CECR2: variants seen among roughly 807,000 people sequenced by gnomAD.
CECR2 encodes chromatin remodeling regulator CECR2.
A neutral mutation model predicts 154.5 loss-of-function variants in CECR2; 30 were observed. The ratio of observed to expected loss-of-function variants is 0.19; its 90% CI spans 0.15 to 0.26. The LOEUF is 0.26. CECR2 is among the 10% of genes least tolerant of loss of function. The pLI is 1.00. For synonymous variants in CECR2, 725 were observed against 683.7 expected (o/e 1.06, Z -0.94); for missense variants, 1,743 against 1,829.3 (o/e 0.95, Z 0.86).
chr22:17,530,838 A>G (rs932074777), intron 9 of CECR2, among the ~76,000 whole-genome samples: 4 of 152,182 alleles, frequency 2.6e-5, no homozygotes, highest in Admixed American at 2.0e-4. Context: ...ACATGGATGA[A>G]CCTTGAAGGT....
intron 1 of CECR2, among the ~76,000 whole-genome samples, chr22:17,410,945 T>A (rs535715129): frequency 6.6e-6 from 1 of 152,322 alleles, no homozygotes; most frequent in Non-Finnish European, 1.5e-5. Flanking sequence ...GTTTTACAGA[T>A]GAGGATGTTG....
At chr22:17,551,979 G>T (rs955563871) in intron 17 of CECR2, 52 bp from the exon 18 acceptor site, 226 of 1,555,864 alleles carry the variant, frequency 1.5e-4, no homozygotes, top group Middle Eastern at 5.0e-4. Flanking sequence ...TGTTTCTTCT[G>T]TCGTTAACAC....
intron 7 of CECR2, among the ~76,000 whole-genome samples, chr22:17,509,862 G>A (rs537878691): frequency 3.7e-4 from 56 of 152,244 alleles, no homozygotes; most frequent in South Asian, 1.7e-3. Flanking sequence ...TTCTCTGTCC[G>A]CCATCAGAAG....
chr22:17,548,515 C>A lies in CECR2; in HGVS notation c.3228C>A (p.Ser1076=). ...GGAAGGGCCTTGGTAGCAGTGGTTC[C>A]GAAAAGCTGCTCTGCCCCAGAGGCA... ...SEGKGLGSSG[S]EKLLCPRGRT... is the part of the protein sequence containing the mutation. The change falls in exon 17 of 19, where the codon TCC becomes TCA. Residue 1076 remains serine (S), a synonymous_variant. Coordinates refer to ENST00000262608, the MANE Select transcript of CECR2 (RefSeq NM_001290047.2). The A allele has an allele frequency of 1.2e-6, 2 of 1,613,712 alleles. No homozygotes were observed. Among genetic ancestry groups the A allele is most frequent in the Non-Finnish European group, 1.7e-6 (2 of 1,179,792 alleles).
At chr22:17,478,043 A>T (rs2055239722) in intron 2 of CECR2, among the ~76,000 whole-genome samples, 1 of 152,112 alleles carries the variant, frequency 6.6e-6, no homozygotes, top group Non-Finnish European at 1.5e-5. Flanking sequence ...CCTTTCTGTC[A>T]TTTGAGTATC....
chr22:17,360,976 A>G (rs151115906), intron 1 of CECR2, among the ~76,000 whole-genome samples: 1,929 of 152,234 alleles, frequency 0.013, 47 homozygotes, highest in African/African-American at 0.045. Context: ...GAGTCTGGGC[A>G]ACATGGTGAA....
chr22:17,371,587 G>T (rs2063061513), intron 1 of CECR2, among the ~76,000 whole-genome samples: 1 of 152,164 alleles, frequency 6.6e-6, no homozygotes, highest in Non-Finnish European at 1.5e-5. Flanking sequence ...CTTTCAGTTG[G>T]TACAAAATCG....
At chr22:17,399,091 T>C (rs1243635274) in intron 1 of CECR2, among the ~76,000 whole-genome samples, 1 of 152,186 alleles carries the variant, frequency 6.6e-6, no homozygotes, top group Non-Finnish European at 1.5e-5. Flanking sequence ...ATTATGCACA[T>C]TAAAGTGTGA....
At chr22:17,530,265 G>A (rs1004747640) in intron 9 of CECR2, among the ~76,000 whole-genome samples, 5 of 151,140 alleles carry the variant, frequency 3.3e-5, no homozygotes, top group African/African-American at 7.3e-5. Flanking sequence ...TCGCTCTGTC[G>A]CCCAGGCTGG....
intron 1 of CECR2, among the ~76,000 whole-genome samples, chr22:17,468,607 G>T (rs1222730378): frequency 6.6e-6 from 1 of 152,080 alleles, no homozygotes; most frequent in African/African-American, 2.4e-5. Flanking sequence ...GAACCTGGGA[G>T]GTCTAGGCTG....
intron 1 of CECR2, among the ~76,000 whole-genome samples, chr22:17,410,259 G>A (rs1020368608): frequency 1.3e-5 from 2 of 152,008 alleles, no homozygotes; most frequent in African/African-American, 2.4e-5. Context: ...GATTACAGAC[G>A]TGAGCCACCG....
At chr22:17,478,602 G>A (rs767415041) in intron 2 of CECR2, among the ~76,000 whole-genome samples, 6 of 152,074 alleles carry the variant, frequency 3.9e-5, no homozygotes, top group South Asian at 2.1e-4. Context: ...TGATCTGCCC[G>A]CCTCGACCTC....
intron 2 of CECR2, among the ~76,000 whole-genome samples, chr22:17,496,329 C>T (rs1436573885): frequency 1.3e-5 from 2 of 151,960 alleles, no homozygotes; most frequent in African/African-American, 2.4e-5. Flanking sequence ...AACCCGGTCT[C>T]TACTAAAATT....
intron 8 of CECR2, among the ~76,000 whole-genome samples, chr22:17,517,246 A>C (rs5746424): frequency 0.16 from 23,768 of 152,102 alleles, 2,298 homozygotes; most frequent in East Asian, 0.47. Flanking sequence ...TTCTGGCTCT[A>C]TCTCTCTTGC....
At chr22:17,364,107 G>A (rs9617997) in intron 1 of CECR2, among the ~76,000 whole-genome samples, 2 of 151,920 alleles carry the variant, frequency 1.3e-5, no homozygotes. Flanking sequence ...ACTTTGGGAG[G>A]CCGAGGCGGG....
chr22:17,410,558 C>T (rs2054053444), intron 1 of CECR2, among the ~76,000 whole-genome samples: 1 of 152,118 alleles, frequency 6.6e-6, no homozygotes, highest in Admixed American at 6.6e-5. Context: ...AACGATTCTC[C>T]TGCCTCAGCC....
At position 17,476,304 on chromosome 22, in the gene CECR2, G is replaced by A. The variant is rs1024719787; in HGVS notation, c.127-1284G>A. Among the ~76,000 whole-genome samples the A allele has an allele frequency of 7.3e-5, 11 of 151,666 alleles. 1 individual carries two copies. Among genetic ancestry groups the A allele is most frequent in the Middle Eastern group, 6.8e-3 (2 of 294 alleles). ...GTTTGAGACAGTGTCTCACTCTGTC[G>A]CCCAGGCTGGAGTACGCTGGCACGA... On this transcript the variant is annotated intron_variant, in intron 1 of 18. Coordinates refer to ENST00000262608, the MANE Select transcript of CECR2 (RefSeq NM_001290047.2).
rs2056732525 is a variant in CECR2, at chr22:17,553,002, A to C, written c.*162A>C. ...GAGCTGGAGCCAGTCACGGGCCCTA[A>C]AAGGACACTCCTTAGATGACTGACA... is the stretch of plus-strand genomic sequence containing the variant. On this transcript the variant is annotated 3_prime_UTR_variant, in exon 19 of 19. Transcript: ENST00000262608. The C allele has an allele frequency of 2.1e-6, 3 of 1,447,104 alleles. No homozygotes were observed. The highest frequency in any genetic ancestry group is 2.7e-6 in the Non-Finnish European group (3 of 1,102,396). 89.6% of individuals were successfully genotyped at this position (1,447,104 alleles called of 1,614,324 possible).
chr22:17,510,776 T>C (rs955310189), intron 7 of CECR2, among the ~76,000 whole-genome samples: 1 of 152,052 alleles, frequency 6.6e-6, no homozygotes, highest in Non-Finnish European at 1.5e-5. Flanking sequence ...TAATTTTTTG[T>C]GTGTGTGTTT....
Sources: allele counts gnomAD v4.1 joint callset (sites outside exome capture counted in the v4.1 genomes callset), GRCh38; gene constraint gnomAD v4.1.1; transcripts MANE v1.5; gene names NCBI Gene and HGNC (gene_info 2026-07-23, HGNC 2026-07-21).